The following KCNIP3 variants were observed in gnomAD, a reference collection of about 807,000 sequenced individuals.
The protein encoded by KCNIP3 is calsenilin.
In KCNIP3, 28 loss-of-function variants were observed where a neutral mutation model predicts 35.0. The observed-to-expected ratio is 0.80, with a 90% confidence interval of 0.59 to 1.10. The LOEUF is 1.10. Among genes scored for constraint, KCNIP3 ranks in the 50% least tolerant of loss-of-function variants. KCNIP3 has a pLI of 0.00. For synonymous variants in KCNIP3, 134 were observed against 133.8 expected (o/e 1.00, Z -0.01); for missense variants, 295 against 338.4 (o/e 0.87, Z 1.01).
chr2:95,361,894 A>G (rs1679808108), intron 2 of KCNIP3, among the ~76,000 whole-genome samples: 2 of 152,190 alleles, frequency 1.3e-5, no homozygotes, highest in African/African-American at 4.8e-5. Context: ...TCTGGCTGCC[A>G]TAACAAAATA....
At chr2:95,325,712 G>C (rs1281224573) in intron 2 of KCNIP3, among the ~76,000 whole-genome samples, 2 of 141,522 alleles carry the variant, frequency 1.4e-5, no homozygotes, top group Admixed American at 1.4e-4. Flanking sequence ...CATACACACA[G>C]TCATACACTT....
chr2:95,342,932 G>A (rs572337081), intron 2 of KCNIP3, among the ~76,000 whole-genome samples: 41 of 152,220 alleles, frequency 2.7e-4, no homozygotes, highest in Admixed American at 5.2e-4. Flanking sequence ...CATGGCCATT[G>A]CTGAACCAGG....
At chr2:95,302,152 G>C (rs1287087037) in intron 1 of KCNIP3, among the ~76,000 whole-genome samples, 3 of 152,044 alleles carry the variant, frequency 2.0e-5, no homozygotes. Context: ...AGCAGTGCTG[G>C]GTGGGCCAGT....
At position 95,320,922 on chromosome 2, in the gene KCNIP3, C is replaced by T. The variant is rs1310889544; in HGVS notation, c.181+10402C>T. Among the ~76,000 whole-genome samples, 86 of 140,542 alleles carry T rather than the reference C, an allele frequency of 6.1e-4. 1 individual carries two copies. The highest frequency in any genetic ancestry group is 2.1e-3 in the African/African-American group (80 of 37,338). 92.2% of individuals were successfully genotyped at this position (140,542 alleles called of 152,430 possible). On this transcript the variant is annotated intron_variant, in intron 2 of 8. Coordinates refer to ENST00000295225, the MANE Select transcript of KCNIP3 (RefSeq NM_013434.5). ...CCCCACCCAGCCTCTCCTCCCTGCC[C>T]CCCCAGCCTTCCCTAGGCCCTCTCC...
chr2:95,352,187 C>T (rs577766968), intron 2 of KCNIP3, among the ~76,000 whole-genome samples: 4 of 152,206 alleles, frequency 2.6e-5, no homozygotes, highest in African/African-American at 7.2e-5. Context: ...CACTTGAACC[C>T]GGATTGCAGT....
At chr2:95,366,684 A>G (rs1001705376) in intron 2 of KCNIP3, among the ~76,000 whole-genome samples, 2 of 152,104 alleles carry the variant, frequency 1.3e-5, no homozygotes, top group Non-Finnish European at 2.9e-5. Flanking sequence ...CCCCACTGCA[A>G]GCGCCCGACA....
At chr2:95,336,492 T>C (rs557806699) in intron 2 of KCNIP3, among the ~76,000 whole-genome samples, 1 of 152,368 alleles carries the variant, frequency 6.6e-6, no homozygotes, top group African/African-American at 2.4e-5. Context: ...TATTTTGAAC[T>C]ATGTCCTTAT....
At position 95,322,970 on chromosome 2, in the gene KCNIP3, C is replaced by T. The variant is rs570938374; in HGVS notation, c.181+12450C>T. Reference sequence around the variant, plus strand: ...CCACCGCGAGCAGGTCCATGCTCTTCTTTACCCAGGAATTTGGGATTCTCA... The same window carrying T: ...CCACCGCGAGCAGGTCCATGCTCTTTTTTACCCAGGAATTTGGGATTCTCA... On this transcript the variant is annotated intron_variant, in intron 2 of 8. Transcript: ENST00000295225. Among the ~76,000 whole-genome samples, 5 of 152,368 alleles carry T rather than the reference C, an allele frequency of 3.3e-5. 1 individual carries two copies. The East Asian group carries it at 9.6e-4, about 29-fold the overall frequency.
At chr2:95,348,893 C>T (rs910651769) in intron 2 of KCNIP3, among the ~76,000 whole-genome samples, 2 of 152,194 alleles carry the variant, frequency 1.3e-5, no homozygotes, top group African/African-American at 2.4e-5. Flanking sequence ...AGTTCACCAT[C>T]TGTAAAGTGG....
intron 1 of KCNIP3, 34 bp downstream of exon 1, chr2:95,297,487 G>A (rs780911711): frequency 2.3e-6 from 3 of 1,326,190 alleles, no homozygotes; most frequent in East Asian, 2.5e-5. Context: ...TTGCTCTGGA[G>A]GGGGGTCGGG....
chr2:95,323,106 CA>C (rs1041594632), intron 2 of KCNIP3, among the ~76,000 whole-genome samples: 6 of 152,274 alleles, frequency 3.9e-5, no homozygotes, highest in Non-Finnish European at 8.8e-5. Flanking sequence ...GGGGGGTGAA[CA>C]GGAACACTAT....
rs992841649 is a variant in KCNIP3 at position 95,382,172 on chromosome 2, C to T, written c.556-205C>T. Among the ~76,000 whole-genome samples the T allele has an allele frequency of 3.9e-5, 6 of 152,208 alleles. No individual in the cohort carries two copies. Among genetic ancestry groups the T allele is most frequent in the African/African-American group, 1.4e-4 (6 of 41,460 alleles). On this transcript the variant is annotated intron_variant, in intron 6 of 8. Transcript: ENST00000295225. This position sits in a 1 kb window ranked among gnomAD's most constrained non-coding sequence, Gnocchi z 4.5. ...GATAAGCACATAGCAATCCATCTCC[C>T]ACTTCTCTGGGAGATGAGCTTCCCC... is the stretch of plus-strand genomic sequence containing the variant.
chr2:95,304,617 A>G (rs1461936091), intron 1 of KCNIP3, among the ~76,000 whole-genome samples: 10 of 152,190 alleles, frequency 6.6e-5, no homozygotes, highest in African/African-American at 2.2e-4. Context: ...GACCCTGGCA[A>G]GCTGCATGAG....
intron 1 of KCNIP3, among the ~76,000 whole-genome samples, chr2:95,305,867 A>C (rs1440260749): frequency 1.3e-5 from 2 of 152,206 alleles, no homozygotes; most frequent in East Asian, 3.9e-4. Context: ...GTATGGATGC[A>C]CTGGAGTTTG....
intron 1 of KCNIP3, 40 bp from the exon 2 acceptor site, chr2:95,310,315 G>T: frequency 6.2e-7 from 1 of 1,613,202 alleles, no homozygotes; most frequent in Non-Finnish European, 8.5e-7. Context: ...TCCCCCCTCT[G>T]AGCAGGGGCT....
chr2:95,382,311 C>T lies in KCNIP3; in HGVS notation c.556-66C>T, dbSNP rs879926156. 20 of 1,074,920 alleles carry T rather than the reference C, an allele frequency of 1.9e-5. No individual in the cohort carries two copies. Among genetic ancestry groups the T allele is most frequent in the Middle Eastern group, 4.1e-4 (2 of 4,820 alleles). 66.6% of individuals were successfully genotyped at this position (1,074,920 alleles called of 1,614,324 possible). The stretch of plus-strand genomic sequence containing the variant: ...GTGCCCTGCACCCTTGGATGCCGCC[C>T]GCTCCCTTTGGGCCCTCACAGCCAC... On this transcript the variant is annotated intron_variant, in intron 6 of 8. Transcript: ENST00000295225. This position sits in a 1 kb window ranked among gnomAD's most constrained non-coding sequence, Gnocchi z 4.5.
intron 2 of KCNIP3, among the ~76,000 whole-genome samples, chr2:95,336,946 C>A (rs560029596): frequency 6.6e-6 from 1 of 152,138 alleles, no homozygotes; most frequent in African/African-American, 2.4e-5. Flanking sequence ...CTCAACATCG[C>A]TGCAGTTGTT....
chr2:95,308,780 A>T (rs1678241419), intron 1 of KCNIP3, among the ~76,000 whole-genome samples: 12 of 152,076 alleles, frequency 7.9e-5, no homozygotes, highest in Admixed American at 7.9e-4. Flanking sequence ...CAATTCTTCC[A>T]GTTCAAATCA....
At chr2:95,371,230 T>C (rs577475424) in intron 2 of KCNIP3, among the ~76,000 whole-genome samples, 1 of 152,256 alleles carries the variant, frequency 6.6e-6, no homozygotes, top group African/African-American at 2.4e-5. Context: ...AAGCAATAAA[T>C]TTCCCTGTCA....
Sources: allele counts gnomAD v4.1 joint callset (sites outside exome capture counted in the v4.1 genomes callset), GRCh38; gene constraint gnomAD v4.1.1; non-coding constraint Gnocchi (gnomAD v3.1); transcripts MANE v1.5; gene names NCBI Gene and HGNC (gene_info 2026-07-23, HGNC 2026-07-21).